The following SHROOM4 variants were observed in gnomAD, a reference collection of about 807,000 sequenced individuals.
SHROOM4 encodes protein Shroom4.
Under a neutral mutation model 80.3 loss-of-function variants are expected in SHROOM4, and 17 were observed. The ratio of observed to expected loss-of-function variants is 0.21; its 90% CI spans 0.14 to 0.32. The LOEUF is 0.32. Among genes scored for constraint, SHROOM4 ranks in the 10% least tolerant of loss-of-function variants. SHROOM4 has a pLI of 1.00. For missense variants in SHROOM4, 993 were observed against 1,140.3 expected, an observed-to-expected ratio of 0.87 and a Z score of 1.86; for synonymous variants, 400 against 437.5, an observed-to-expected ratio of 0.91 and a Z score of 1.07.
At chrX:50,706,191 G>A (rs1557263950) in intron 1 of SHROOM4, among the ~76,000 whole-genome samples, 1 of 111,757 alleles carries the variant, frequency 8.9e-6, no homozygotes, top group Non-Finnish European at 1.9e-5. Flanking sequence ...TGCCTCCTCA[G>A]AGAGGCCTTT....
downstream of SHROOM4, among the ~76,000 whole-genome samples, chrX:50,583,779 T>C (rs1198718622): frequency 1.8e-5 from 2 of 111,650 alleles, no homozygotes; most frequent in Non-Finnish European, 3.8e-5. Flanking sequence ...ATGAGTGAGC[T>C]TGGAAGCAGA....
chrX:50,708,491 G>A (rs1260960161), intron 1 of SHROOM4, among the ~76,000 whole-genome samples: 3 of 112,186 alleles, frequency 2.7e-5, no homozygotes, highest in Admixed American at 9.5e-5. Context: ...CCTACTTTGC[G>A]CTGATTGCCA....
At chrX:50,655,750 A>G (rs1202587795) in intron 2 of SHROOM4, among the ~76,000 whole-genome samples, 1 of 109,658 alleles carries the variant, frequency 9.1e-6, no homozygotes, top group Non-Finnish European at 1.9e-5. Flanking sequence ...TCTCTTTAAC[A>G]TACTGATTTC....
At chrX:50,704,451 T>G (rs1933603231) in intron 1 of SHROOM4, among the ~76,000 whole-genome samples, 1 of 111,928 alleles carries the variant, frequency 8.9e-6, no homozygotes, top group Non-Finnish European at 1.9e-5. Flanking sequence ...TGTGAGTGAG[T>G]TGGATACAGT....
chrX:50,743,188 A>C (rs1262769074), intron 1 of SHROOM4, among the ~76,000 whole-genome samples: 3 of 106,876 alleles, frequency 2.8e-5, no homozygotes, highest in Non-Finnish European at 5.8e-5. Context: ...AGACTCATGT[A>C]GTTCCTGATC....
intron 1 of SHROOM4, among the ~76,000 whole-genome samples, chrX:50,736,399 C>G (rs1312306607): frequency 1.8e-5 from 2 of 110,917 alleles, no homozygotes; most frequent in African/African-American, 6.6e-5. Context: ...TCCTAACGCT[C>G]TCCATCTCCC....
chrX:50,793,918 G>A (rs1460800689), intron 1 of SHROOM4, among the ~76,000 whole-genome samples: 1 of 110,214 alleles, frequency 9.1e-6, no homozygotes, highest in African/African-American at 3.3e-5. Flanking sequence ...AAAAAGATGT[G>A]TGGTTCCCAT....
intron 2 of SHROOM4, among the ~76,000 whole-genome samples, chrX:50,661,283 ATC>A (rs1179784416): frequency 9.1e-6 from 1 of 110,153 alleles, no homozygotes; most frequent in Non-Finnish European, 1.9e-5. Flanking sequence ...CAGTGGTGCG[ATC>A]TCCACTCACT....
intron 1 of SHROOM4, among the ~76,000 whole-genome samples, chrX:50,791,672 C>T (rs1263067190): frequency 3.0e-5 from 3 of 98,834 alleles, no homozygotes; most frequent in Non-Finnish European, 4.0e-5. Context: ...AATCCTCTTG[C>T]CTCAATCTCC....
At chrX:50,717,909 A>G (rs1344431878) in intron 1 of SHROOM4, among the ~76,000 whole-genome samples, 3 of 111,825 alleles carry the variant, frequency 2.7e-5, no homozygotes, top group African/African-American at 9.8e-5. Flanking sequence ...TGGAAATAAT[A>G]CTTGCTCTTT....
chrX:50,661,607 A>T (rs894338721), intron 2 of SHROOM4, among the ~76,000 whole-genome samples: 1 of 112,489 alleles, frequency 8.9e-6, no homozygotes, highest in African/African-American at 3.2e-5. Flanking sequence ...GTTAGACTTC[A>T]TTACGGTTTA....
In SHROOM4 at chrX:50,657,941, T is replaced by C. The variant is rs189156344; in HGVS notation, c.270-19633A>G. 3.6e-5 allele frequency among the ~76,000 whole-genome samples: 4 copies of C among 112,437 alleles called. No homozygotes were observed. The East Asian group carries it at 1.1e-3, about 32-fold the overall frequency. Reference sequence around the variant, plus strand: ...AGGCCCCTTGGGAGGGGATTAGGCATTGAGGGCTCTGCCCTCAGGGATGGT... The same window carrying C: ...AGGCCCCTTGGGAGGGGATTAGGCACTGAGGGCTCTGCCCTCAGGGATGGT... On this transcript the variant is annotated intron_variant, in intron 2 of 8. Coordinates refer to ENST00000376020, the MANE Select transcript of SHROOM4 (RefSeq NM_020717.5).
At chrX:50,728,933 A>G (rs1198966657) in intron 1 of SHROOM4, among the ~76,000 whole-genome samples, 1 of 109,224 alleles carries the variant, frequency 9.2e-6, no homozygotes, top group Non-Finnish European at 1.9e-5. Context: ...TAGAGGCTGC[A>G]TACACTACTG....
chrX:50,782,656 C>T (rs1199067095), intron 1 of SHROOM4, among the ~76,000 whole-genome samples: 4 of 111,954 alleles, frequency 3.6e-5, no homozygotes, highest in African/African-American at 1.3e-4. Context: ...TCGATACACA[C>T]AATGGGATAG....
rs782499309 is a variant in SHROOM4, at chrX:50,808,678, T to C, written c.117+5224A>G. ...GATGTTCCCTCCAGATAATCATCCA[T>C]AACCTCCAATCTCAAGTCTGAGTCT... is the stretch of plus-strand genomic sequence containing the variant. On this transcript the variant is annotated intron_variant, in intron 1 of 8. Transcript: ENST00000376020. 2.7e-5 allele frequency among the ~76,000 whole-genome samples: 3 copies of C among 110,159 alleles called. No homozygotes were observed. In the South Asian group the frequency reaches 1.2e-3, roughly 44 times the overall value.
At chrX:50,598,639 G>T in intron 7 of SHROOM4, 104 bp from the exon 8 acceptor site, 5 of 982,679 alleles carry the variant, frequency 5.1e-6, no homozygotes, top group Non-Finnish European at 7.0e-6. Context: ...CAGATGGTGG[G>T]CTCTATCCTA....
chrX:50,661,430 T>C (rs1422820554), intron 2 of SHROOM4, among the ~76,000 whole-genome samples: 2 of 111,654 alleles, frequency 1.8e-5, no homozygotes, highest in Non-Finnish European at 3.8e-5. Context: ...ATTCCTGAGC[T>C]CGGGTAATCT....
rs185678750 is a variant in SHROOM4, at chrX:50,660,747, C to A, written c.270-22439G>T. Among the ~76,000 whole-genome samples, 744 of 107,522 alleles carry A rather than the reference C, an allele frequency of 6.9e-3. 3 individuals carry two copies. Among genetic ancestry groups the A allele is most frequent in the Non-Finnish European group, 0.011 (583 of 52,122 alleles). The allele number at this position is 107,522 out of a possible 115,157, so 93.4% of individuals were successfully genotyped here. On this transcript the variant is annotated intron_variant, in intron 2 of 8. Transcript: ENST00000376020. Reference sequence around the variant, plus strand: ...TCTCGCCTCAGCCTTCTCTGAGTAGCTGGGACTACAGGGCGTGCACCACCA... The same window carrying A: ...TCTCGCCTCAGCCTTCTCTGAGTAGATGGGACTACAGGGCGTGCACCACCA...
intron 1 of SHROOM4, among the ~76,000 whole-genome samples, chrX:50,722,993 A>G (rs1313262324): frequency 3.7e-5 from 4 of 109,008 alleles, no homozygotes; most frequent in Non-Finnish European, 7.6e-5. Context: ...TGTTTAGTAT[A>G]TTTAAAGAGT....
Sources: allele counts gnomAD v4.1 joint callset (sites outside exome capture counted in the v4.1 genomes callset), GRCh38; gene constraint gnomAD v4.1.1; transcripts MANE v1.5; gene names NCBI Gene and HGNC (gene_info 2026-07-23, HGNC 2026-07-21).